Variants in PDE1A observed in about 807,000 individuals in gnomAD.
PDE1A encodes phosphodiesterase 1A, also known as dual specificity calcium/calmodulin-dependent 3',5'-cyclic nucleotide phosphodiesterase 1A.
A neutral mutation model predicts 61.7 loss-of-function variants in PDE1A; 35 were observed. The ratio of observed to expected loss-of-function variants is 0.57; its 90% CI spans 0.43 to 0.75. The LOEUF is 0.75. Among genes scored for constraint, PDE1A ranks in the 30% least tolerant of loss-of-function variants. The probability of loss-of-function intolerance (pLI) is 0.00; values close to 1 mark genes in which losing one functional copy is unlikely to be tolerated. For synonymous variants in PDE1A, 232 were observed against 213.2 expected (o/e 1.09, Z -0.77); for missense variants, 597 against 630.6 (o/e 0.95, Z 0.57).
intron 1 of PDE1A, among the ~76,000 whole-genome samples, chr2:182,335,539 T>C (rs1173317290): frequency 6.6e-6 from 1 of 152,164 alleles, no homozygotes. Context: ...ATTTAATAAA[T>C]GGTGTTGGGA....
chr2:182,553,030 C>T, the PDE1A span, among the ~76,000 whole-genome samples: 122 of 152,328 alleles, frequency 8.0e-4, no homozygotes, highest in Middle Eastern at 0.014. Flanking sequence ...GGGCTAAAGG[C>T]TTGCCATTGT....
chr2:182,627,965 A>G, the PDE1A span, among the ~76,000 whole-genome samples: 2 of 150,908 alleles, frequency 1.3e-5, no homozygotes, highest in African/African-American at 4.8e-5. Context: ...AGAAAGAAAG[A>G]AAAAAGAAAA....
intron 2 of PDE1A, among the ~76,000 whole-genome samples, chr2:182,256,038 C>CTTTTTTTTTTTTTTTT (rs755211798): frequency 2.2e-5 from 2 of 92,336 alleles, no homozygotes; most frequent in Admixed American, 1.2e-4. Context: ...AGGATGACTT[C>CTTTTTTTTTTTTTTTT]TTTTTTTTTT....
intron 1 of PDE1A, among the ~76,000 whole-genome samples, chr2:182,272,616 T>TA: frequency 6.6e-6 from 1 of 152,238 alleles, no homozygotes; most frequent in South Asian, 2.1e-4. Flanking sequence ...AGGGAAGTCT[T>TA]ACAATAAGAG....
At chr2:182,211,814 C>T (rs1347749910) in intron 7 of PDE1A, among the ~76,000 whole-genome samples, 1 of 152,094 alleles carries the variant, frequency 6.6e-6, no homozygotes, top group Non-Finnish European at 1.5e-5. Context: ...TTATTGCTGG[C>T]ATATAGAAAA....
chr2:182,613,991 A>T, the PDE1A span, among the ~76,000 whole-genome samples: 14 of 152,252 alleles, frequency 9.2e-5, no homozygotes, highest in African/African-American at 3.4e-4. Context: ...AATGTAAAAC[A>T]CAAAATTGGG....
At chr2:182,242,222 A>C (rs1178473207) in intron 2 of PDE1A, among the ~76,000 whole-genome samples, 1 of 152,204 alleles carries the variant, frequency 6.6e-6, no homozygotes, top group African/African-American at 2.4e-5. Context: ...TATACTCATA[A>C]ATGATCCAAG....
chr2:182,219,062 T>G (rs1392268876), intron 7 of PDE1A, among the ~76,000 whole-genome samples: 1 of 152,136 alleles, frequency 6.6e-6, no homozygotes, highest in Non-Finnish European at 1.5e-5. Context: ...AAGGGGATGA[T>G]GAAAATCATT....
exon 1 of PDE1A, chr2:182,426,586 G>A: frequency 6.2e-7 from 1 of 1,606,742 alleles, no homozygotes; most frequent in Non-Finnish European, 8.5e-7. Flanking sequence ...ACCTAAAGAT[G>A]GGTCTTTGGA....
chr2:182,361,155 T>C (rs1265911996), intron 1 of PDE1A, among the ~76,000 whole-genome samples: 1 of 152,120 alleles, frequency 6.6e-6, no homozygotes, highest in East Asian at 1.9e-4. Context: ...AAGATCTGAA[T>C]CCAATCTGAT....
chr2:182,434,187 T>C (rs1704094876), intron 2 of PDE1A, among the ~76,000 whole-genome samples: 1 of 152,100 alleles, frequency 6.6e-6, no homozygotes, highest in Non-Finnish European at 1.5e-5. Flanking sequence ...CAAAAATATA[T>C]TTTTTCTCAT....
At chr2:182,381,837 T>C (rs1376671505) in intron 1 of PDE1A, among the ~76,000 whole-genome samples, 1 of 151,614 alleles carries the variant, frequency 6.6e-6, no homozygotes, top group Non-Finnish European at 1.5e-5. Flanking sequence ...ATAATAATAA[T>C]TATATTAACT....
At chr2:182,201,912 T>C (rs1171372509) in intron 8 of PDE1A, 123 bp from the exon 9 acceptor site, 1 of 637,652 alleles carries the variant, frequency 1.6e-6, no homozygotes, top group Non-Finnish European at 2.7e-6. Context: ...CAAAAGATGC[T>C]ACTTTTTAAA....
chr2:182,157,069 C>T (rs190045321), intron 13 of PDE1A, among the ~76,000 whole-genome samples: 1,735 of 147,790 alleles, frequency 0.012, 15 homozygotes, highest in Middle Eastern at 0.026. Flanking sequence ...GGCTGGAGTG[C>T]AATGGTGCAA....
the PDE1A span, among the ~76,000 whole-genome samples, chr2:182,576,929 G>A: frequency 1.3e-5 from 2 of 152,014 alleles, no homozygotes; most frequent in Non-Finnish European, 2.9e-5. Context: ...TTTTTATTTG[G>A]TTGTTTGCTC....
At chr2:182,575,772 ATAT>A in the PDE1A span, among the ~76,000 whole-genome samples, 1 of 146,382 alleles carries the variant, frequency 6.8e-6, no homozygotes, top group Non-Finnish European at 1.5e-5. Context: ...AATATATTAT[ATAT>A]TATAATTATT....
chr2:182,226,382 A>G (rs1369985765), intron 6 of PDE1A, among the ~76,000 whole-genome samples: 2 of 149,762 alleles, frequency 1.3e-5, no homozygotes, highest in African/African-American at 2.5e-5. Flanking sequence ...TTTCTCCACA[A>G]ATCCCCCTTA....
rs555652049 is a variant in PDE1A, at chr2:182,409,456, G to A, written c.53+17122C>T. 3.9e-4 allele frequency among the ~76,000 whole-genome samples: 59 copies of A among 152,288 alleles called. 1 individual carries two copies. Among genetic ancestry groups the A allele is most frequent in the South Asian group, 3.1e-3 (15 of 4,824 alleles). On this transcript the variant is annotated intron_variant, in intron 1 of 13. Coordinates refer to ENST00000351439, the Ensembl canonical transcript of PDE1A. ...GTACTGTGCAAAGTATTGGAGATAC[G>A]ATATGTACAAACCCAGTCTCCATTC...
chr2:182,363,763 A>G (rs1435077899), intron 1 of PDE1A, among the ~76,000 whole-genome samples: 1 of 152,090 alleles, frequency 6.6e-6, no homozygotes, highest in African/African-American at 2.4e-5. Flanking sequence ...TGGTTTCATA[A>G]GGAGGGATGA....
Sources: gnomAD v4.1 joint callset for allele counts (sites outside exome capture counted in the v4.1 genomes callset) on GRCh38, gnomAD v4.1.1 for gene constraint, MANE v1.5 for transcripts, NCBI Gene and HGNC (gene_info 2026-07-23, HGNC 2026-07-21) for gene names.